The following LAMC1 variants were observed in gnomAD, a reference collection of about 807,000 sequenced individuals.
The protein encoded by LAMC1 is laminin subunit gamma 1, also known as laminin subunit gamma-1.
Under a neutral mutation model 173.6 loss-of-function variants are expected in LAMC1, and 38 were observed. That is an observed-to-expected ratio of 0.22 (90% CI 0.17 to 0.29). The LOEUF (loss-of-function observed/expected upper bound fraction) is 0.29. LAMC1 is among the 10% of genes least tolerant of loss of function. The probability of loss-of-function intolerance (pLI) is 1.00; values close to 1 mark genes in which losing one functional copy is unlikely to be tolerated. For synonymous variants in LAMC1, 746 were observed against 749.1 expected (o/e 1.00, Z 0.07); for missense variants, 1,824 against 2,051.8 (o/e 0.89, Z 2.14).
At chr1:183,087,861 TG>T (rs1170874370) in intron 1 of LAMC1, among the ~76,000 whole-genome samples, 1 of 151,854 alleles carries the variant, frequency 6.6e-6, no homozygotes, top group African/African-American at 2.4e-5. Flanking sequence ...TTGCCCAGGC[TG>T]GAGTGCAATG....
At chr1:183,049,328 C>G (rs1654347539) in intron 1 of LAMC1, among the ~76,000 whole-genome samples, 1 of 151,906 alleles carries the variant, frequency 6.6e-6, no homozygotes, top group South Asian at 2.1e-4. Context: ...TGGCAGAAGT[C>G]TTTTTAAAAA....
At chr1:183,081,330 G>A (rs1423858855) in intron 1 of LAMC1, among the ~76,000 whole-genome samples, 1 of 151,976 alleles carries the variant, frequency 6.6e-6, no homozygotes, top group Non-Finnish European at 1.5e-5. Flanking sequence ...AGGCATGGTG[G>A]CTCACACCTG....
At chr1:183,115,417 C>A in intron 5 of LAMC1, 103 bp from the exon 6 acceptor site, 1 of 782,520 alleles carries the variant, frequency 1.3e-6, no homozygotes, top group Non-Finnish European at 2.2e-6. Flanking sequence ...CATACTGGTT[C>A]TCAGGCATTG....
In LAMC1 at chr1:183,136,419, C is replaced by T. The variant is rs1237388586; in HGVS notation, c.4148C>T (p.Ala1383Val). ...AGGCGTGTGAACGATAACAAGACGG[C>T]CGCAGAGGAGGCACTAAGGAAGATT... ...FDRRVNDNKT[A>V]AEEALRKIPA... Residue 1383 changes from alanine to valine, a missense_variant, in exon 25 of 28, where the codon GCC (alanine) becomes GTC (valine). Ala to Val is a moderately conservative substitution (Grantham distance 64). Transcript: ENST00000258341. The T allele has an allele frequency of 6.2e-7, 1 of 1,614,166 alleles. No individual in the cohort carries two copies.
intron 16 of LAMC1, 58 bp from the exon 17 acceptor site, chr1:183,127,168 A>G (rs1656642487): frequency 2.0e-6 from 3 of 1,510,248 alleles, no homozygotes; most frequent in Non-Finnish European, 2.7e-6. Context: ...AGTCTGAATT[A>G]AGAGATATAC....
At chr1:183,111,097 C>CTTT (rs71297854) in intron 4 of LAMC1, among the ~76,000 whole-genome samples, 2 of 144,816 alleles carry the variant, frequency 1.4e-5, no homozygotes, top group Non-Finnish European at 3.0e-5. Context: ...TTTTTCTTTT[C>CTTT]TTTTTTTTTT....
intron 1 of LAMC1, among the ~76,000 whole-genome samples, chr1:183,086,278 T>G (rs996695476): frequency 6.6e-6 from 1 of 152,202 alleles, no homozygotes; most frequent in South Asian, 2.1e-4. Flanking sequence ...CATGCATAAG[T>G]CAATGGGGTC....
chr1:183,108,517 C>A, intron 3 of LAMC1, 111 bp downstream of exon 3: 2 of 934,052 alleles, frequency 2.1e-6, no homozygotes, highest in Non-Finnish European at 3.2e-6. Flanking sequence ...TTTTCTTTAC[C>A]AAGAATAGGA....
At chr1:183,140,373 C>G in intron 26 of LAMC1, 31 bp from the exon 27 acceptor site, 2 of 1,369,226 alleles carry the variant, frequency 1.5e-6, no homozygotes, top group Non-Finnish European at 2.1e-6. Context: ...AACATACAGT[C>G]AAGACTCTTT....
In LAMC1 at chr1:183,085,850, C is replaced by A. The variant is rs151238234; in HGVS notation, c.419-17478C>A. Among the ~76,000 whole-genome samples, 174 of 152,262 alleles carry A rather than the reference C, an allele frequency of 1.1e-3. 4 individuals are homozygous for A. In the East Asian group the frequency reaches 0.031, roughly 27 times the overall value. ...ATAATTGGTTTAGCCTCATACCATT[C>A]TTTTGCTCTTGTTTTCTACCACTTA... On this transcript the variant is annotated intron_variant, in intron 1 of 27. Transcript: ENST00000258341.
chr1:183,038,939 AAG>A (rs907870821), intron 1 of LAMC1, among the ~76,000 whole-genome samples: 4 of 152,168 alleles, frequency 2.6e-5, no homozygotes, highest in African/African-American at 9.7e-5. Context: ...ATAAAAAAAA[AAG>A]AAAAAAAGTT....
In LAMC1 at chr1:183,110,394, G is replaced by GT; in HGVS notation, c.855-93dup. On this transcript the variant is annotated intron_variant, in intron 3 of 27. Coordinates refer to ENST00000258341, the MANE Select transcript of LAMC1 (RefSeq NM_002293.4). ...GTTCCCCAGTTTACACTTTTGAATG[G>GT]TAAAACTTACTTCTTTGTGTACATA... The GT allele has an allele frequency of 8.2e-6, 8 of 971,482 alleles. No individual in the cohort carries two copies. The Admixed American group carries it at 1.3e-4, about 16-fold the overall frequency. 60.2% of individuals were successfully genotyped at this position (971,482 alleles called of 1,614,324 possible).
At chr1:183,045,263 A>AG (rs1474944821) in intron 1 of LAMC1, among the ~76,000 whole-genome samples, 1 of 152,048 alleles carries the variant, frequency 6.6e-6, no homozygotes, top group Non-Finnish European at 1.5e-5. Flanking sequence ...GTGCACATAA[A>AG]TATGGAGTAG....
chr1:183,127,510 C>A, intron 17 of LAMC1, 106 bp downstream of exon 17: 1 of 938,516 alleles, frequency 1.1e-6, no homozygotes, highest in Non-Finnish European at 1.6e-6. Flanking sequence ...TAGATGTGGT[C>A]CCTGTTCTTA....
At chr1:183,048,913 C>T (rs184641321) in intron 1 of LAMC1, among the ~76,000 whole-genome samples, 25 of 152,280 alleles carry the variant, frequency 1.6e-4, no homozygotes, top group Admixed American at 1.2e-3. Context: ...TCCTCCTATT[C>T]AGATTCTTAG....
intron 1 of LAMC1, among the ~76,000 whole-genome samples, chr1:183,086,824 CCTT>C (rs1027655766): frequency 7.2e-5 from 11 of 152,240 alleles, no homozygotes; most frequent in Admixed American, 3.9e-4. Context: ...TCTCTGATGT[CCTT>C]CATCTTTGCA....
At chr1:183,114,101 C>G (rs1656245619) in intron 4 of LAMC1, among the ~76,000 whole-genome samples, 1 of 152,088 alleles carries the variant, frequency 6.6e-6, no homozygotes, top group South Asian at 2.1e-4. Flanking sequence ...AGAGTTTTAG[C>G]TCTTGTCGCC....
At chr1:183,084,239 A>G (rs1225394341) in intron 1 of LAMC1, among the ~76,000 whole-genome samples, 1 of 151,936 alleles carries the variant, frequency 6.6e-6, no homozygotes, top group Non-Finnish European at 1.5e-5. Flanking sequence ...GCTACTCAGG[A>G]GGCTGAGGCA....
intron 24 of LAMC1, 87 bp downstream of exon 24, chr1:183,135,243 C>A: frequency 1.3e-6 from 1 of 775,568 alleles, no homozygotes; most frequent in Non-Finnish European, 2.2e-6. Flanking sequence ...ATATTTATTA[C>A]TTCATCCCCA....
Sources: gnomAD v4.1 joint callset for allele counts (sites outside exome capture counted in the v4.1 genomes callset) on GRCh38, gnomAD v4.1.1 for gene constraint, MANE v1.5 for transcripts, NCBI Gene and HGNC (gene_info 2026-07-23, HGNC 2026-07-21) for gene names.